The following ABCC6 variants were observed in gnomAD, a reference collection of about 807,000 sequenced individuals.
The protein encoded by ABCC6 is ATP binding cassette subfamily C member 6, also known as ATP-binding cassette sub-family C member 6.
A neutral mutation model predicts 169.5 loss-of-function variants in ABCC6; 126 were observed. The observed-to-expected ratio is 0.74, with a 90% CI of 0.64 to 0.86. ABCC6 has a LOEUF of 0.86. ABCC6 is among the 40% of genes least tolerant of loss of function. The probability of loss-of-function intolerance (pLI) is 0.00; values close to 1 mark genes in which losing one functional copy is unlikely to be tolerated. For missense variants in ABCC6, 1,733 were observed against 1,927.2 expected, an observed-to-expected ratio of 0.90 and a Z score of 1.89; for synonymous variants, 752 against 814.7, an observed-to-expected ratio of 0.92 and a Z score of 1.31.
chr16:16,150,331 T>G (rs2046351473), intron 30 of ABCC6, 90 bp from the exon 31 acceptor site: 1 of 1,588,712 alleles, frequency 6.3e-7, no homozygotes, highest in African/African-American at 1.3e-5. Flanking sequence ...CGCTGAGGTT[T>G]TCTCCATAGA....
chr16:16,157,277 T>TG (rs1567468639), intron 27 of ABCC6, among the ~76,000 whole-genome samples: 4 of 152,194 alleles, frequency 2.6e-5, no homozygotes, highest in African/African-American at 9.7e-5. Context: ...AATTTACAGA[T>TG]GGGAAAACTG....
intron 10 of ABCC6, among the ~76,000 whole-genome samples, chr16:16,194,434 T>C (rs540926639): frequency 6.6e-6 from 1 of 152,338 alleles, no homozygotes; most frequent in East Asian, 1.9e-4. Context: ...ATGTCCTGTG[T>C]TTTCTCTGGC....
rs1326218777 is a variant in ABCC6 at position 16,154,958 on chromosome 16, G to C, written c.3956C>G (p.Ala1319Gly). Residue 1319 changes from alanine (A) to glycine (G), a missense_variant, in exon 28 of 31, where the codon GCT becomes GGT. Transcript: ENST00000205557. ...ASGLLRLQEA[A>G]EGGIWIDGVP... ...CCCGTCGATCCAGATCCCACCCTCA[G>C]CTGCCTCCTGGAGCCGCAGCAGCCC... is the stretch of plus-strand genomic sequence containing the variant. The C allele has an allele frequency of 6.3e-7, 1 of 1,586,598 alleles. No homozygotes were observed. The highest frequency in any genetic ancestry group is 1.3e-5 in the African/African-American group (1 of 74,216).
intron 23 of ABCC6, 95 bp downstream of exon 23, chr16:16,165,528 T>C: frequency 7.2e-7 from 1 of 1,381,894 alleles, no homozygotes; most frequent in African/African-American, 1.4e-5. Flanking sequence ...GATGTCCAGC[T>C]GGGTGAAACC....
At chr16:16,165,538 C>A in intron 23 of ABCC6, 85 bp downstream of exon 23, 1 of 1,488,606 alleles carries the variant, frequency 6.7e-7, no homozygotes, top group East Asian at 2.3e-5. Context: ...TGGGTGAAAC[C>A]TCATATATGG....
chr16:16,221,613 A>G (rs754209863), intron 2 of ABCC6, 36 bp downstream of exon 2: 20 of 1,611,712 alleles, frequency 1.2e-5, no homozygotes, highest in Non-Finnish European at 1.6e-5. Context: ...TCCCCCGAAC[A>G]TTGCCTGGTT....
intron 22 of ABCC6, among the ~76,000 whole-genome samples, chr16:16,167,189 A>C (rs999738471): frequency 1.3e-5 from 2 of 152,194 alleles, no homozygotes; most frequent in African/African-American, 4.8e-5. Flanking sequence ...AGGGATGAAC[A>C]CATAACCCAA....
Position 16,169,680 on chromosome 16 carries a change from A to G in ABCC6, c.2961T>C (p.Arg987=), listed in dbSNP as rs2046994851. The G allele has an allele frequency of 6.2e-7, 1 of 1,611,220 alleles. No individual in the cohort carries two copies. The highest frequency in any genetic ancestry group is 8.5e-7 in the Non-Finnish European group (1 of 1,179,726). ...VGGQQTQAAL[R]GGIFGLLGCL... is the part of the protein sequence containing the mutation. Reference sequence around the variant, plus strand: ...AGCCGAGGAGCCCGAAGATCCCGCCACGCAGGGCTGCCTGCGTCTGCTGCC... The same window carrying G: ...AGCCGAGGAGCCCGAAGATCCCGCCGCGCAGGGCTGCCTGCGTCTGCTGCC... Residue 987 remains arginine, a synonymous_variant, in exon 22 of 31, where the codon CGT becomes CGC. Transcript: ENST00000205557.
Position 16,165,983 on chromosome 16 carries a change from C to T in ABCC6, c.2996-50G>A, listed in dbSNP as rs373887554. The T allele has an allele frequency of 2.9e-4, 454 of 1,585,234 alleles. 1 individual carries two copies. Among genetic ancestry groups the T allele is most frequent in the Middle Eastern group, 3.6e-4 (2 of 5,610 alleles). On this transcript the variant is annotated intron_variant, in intron 22 of 30. Transcript: ENST00000205557. ...CATGAGGGCTGGAGACCCTCAGGAGCGGCCCACGGGGCCCTGCGCAGGTCT... is the reference window on the plus strand; with the variant it reads ...CATGAGGGCTGGAGACCCTCAGGAGTGGCCCACGGGGCCCTGCGCAGGTCT...
chr16:16,190,573 T>C (rs2047815462), intron 11 of ABCC6, among the ~76,000 whole-genome samples: 2 of 151,996 alleles, frequency 1.3e-5, no homozygotes, highest in East Asian at 1.9e-4. Flanking sequence ...CCTGGGATAA[T>C]GTGCCCCATG....
In ABCC6 at chr16:16,187,186, A is replaced by G. The variant is rs2047677660; in HGVS notation, c.1805T>C (p.Val602Ala). ...VQARVSFDRLVTFLCLEEVDP... is the reference protein window; with the variant it reads ...VQARVSFDRLATFLCLEEVDP... ...AACTTCTTCCAGGCAGAGGAAGGTG[A>G]CCAGACGGTCAAAGGACACCCGGGC... The change falls in exon 14 of 31, where the codon GTC becomes GCC. Residue 602 changes from valine to alanine, a missense_variant. Val to Ala is a moderately conservative substitution (Grantham distance 64, BLOSUM62 0). Around this residue, in one of 5 missense-constraint regions of ABCC6, gnomAD observed 1,601 missense variants for 1,635.5 expected, o/e 0.98. Coordinates refer to ENST00000205557, the MANE Select transcript of ABCC6 (RefSeq NM_001171.6). 1 of 1,613,574 alleles carries G rather than the reference A, an allele frequency of 6.2e-7. No individual in the cohort carries two copies.
At chr16:16,182,677 G>T in intron 16 of ABCC6, 89 bp from the exon 17 acceptor site, 1 of 1,585,476 alleles carries the variant, frequency 6.3e-7, no homozygotes. Context: ...GGCTCTCAGT[G>T]GTGGGTGAGA....
chr16:16,195,269 G>A (rs7190447), intron 10 of ABCC6, among the ~76,000 whole-genome samples: 2 of 148,278 alleles, frequency 1.3e-5, no homozygotes, highest in Admixed American at 1.4e-4. Context: ...GTAACATGGT[G>A]CATTATCTAT....
intron 29 of ABCC6, among the ~76,000 whole-genome samples, chr16:16,151,271 C>T (rs993527780): frequency 2.6e-4 from 39 of 151,980 alleles, no homozygotes; most frequent in Admixed American, 4.6e-4. Flanking sequence ...CATGTTGGTC[C>T]GACTTGTTTG....
At chr16:16,188,192 C>T (rs1340939735) in intron 13 of ABCC6, among the ~76,000 whole-genome samples, 1 of 135,236 alleles carries the variant, frequency 7.4e-6, no homozygotes, top group East Asian at 2.1e-4. Context: ...CCTGCCTGGC[C>T]AACATGGTGA....
At chr16:16,217,814 G>A (rs1835605348) in intron 4 of ABCC6, among the ~76,000 whole-genome samples, 1 of 152,202 alleles carries the variant, frequency 6.6e-6, no homozygotes, top group South Asian at 2.1e-4. Context: ...CCTCGGTCAG[G>A]CGCTGTGGCT....
At chr16:16,158,055 C>T (rs1376087835) in intron 26 of ABCC6, among the ~76,000 whole-genome samples, 2 of 152,054 alleles carry the variant, frequency 1.3e-5, no homozygotes, top group Non-Finnish European at 2.9e-5. Context: ...AAAATAATCT[C>T]TTTTTCTATA....
chr16:16,163,869 C>G (rs566345896), intron 23 of ABCC6, among the ~76,000 whole-genome samples: 3 of 152,070 alleles, frequency 2.0e-5, no homozygotes, highest in Admixed American at 1.3e-4. Context: ...ATCCAAGGCT[C>G]GGGGGATTCA....
intron 27 of ABCC6, among the ~76,000 whole-genome samples, chr16:16,155,984 CA>C (rs1244706802): frequency 6.6e-6 from 1 of 152,144 alleles, no homozygotes; most frequent in African/African-American, 2.4e-5. Context: ...GGTGCGATCT[CA>C]GCTCACTGCA....
Sources: allele counts gnomAD v4.1 joint callset (sites outside exome capture counted in the v4.1 genomes callset), GRCh38; gene constraint gnomAD v4.1.1; regional missense constraint gnomAD v4.1.1; transcripts MANE v1.5; gene names NCBI Gene and HGNC (gene_info 2026-07-23, HGNC 2026-07-21).